Variants in TAOK3 observed in about 807,000 individuals in gnomAD.
The protein encoded by TAOK3 is serine/threonine-protein kinase TAO3.
Under a neutral mutation model 120.4 loss-of-function variants are expected in TAOK3, and 40 were observed. The ratio of observed to expected loss-of-function variants is 0.33; its 90% CI spans 0.26 to 0.43. The LOEUF (loss-of-function observed/expected upper bound fraction) is 0.43, where lower values mean the gene tolerates loss of function less well. Ranked by LOEUF, TAOK3 falls within the 20% of genes least tolerant of loss-of-function variation. TAOK3 has a pLI of 1.00. For synonymous variants in TAOK3, 355 were observed against 387.5 expected (o/e 0.92, Z 0.99); for missense variants, 821 against 1,112.1 (o/e 0.74, Z 3.72).
At chr12:118,197,375 A>G (rs2037781129) in intron 13 of TAOK3, among the ~76,000 whole-genome samples, 1 of 152,332 alleles carries the variant, frequency 6.6e-6, no homozygotes, top group East Asian at 1.9e-4. Flanking sequence ...AAGTCATCAC[A>G]CATCAGGGAG....
At chr12:118,317,265 C>CA (rs970730677) in intron 1 of TAOK3, among the ~76,000 whole-genome samples, 12,189 of 63,422 alleles carry the variant, frequency 0.19, 922 homozygotes, top group East Asian at 0.33. Context: ...AAGTTTGTCT[C>CA]AAAAAAAAAA....
At chr12:118,194,131 C>T (rs1012585126) in intron 13 of TAOK3, among the ~76,000 whole-genome samples, 2 of 152,196 alleles carry the variant, frequency 1.3e-5, no homozygotes, top group Non-Finnish European at 2.9e-5. Context: ...CACATAAGCA[C>T]ACCTTTACAC....
At chr12:118,171,442 T>C (rs1341168253) in intron 17 of TAOK3, among the ~76,000 whole-genome samples, 1 of 152,212 alleles carries the variant, frequency 6.6e-6, no homozygotes, top group East Asian at 1.9e-4. Context: ...CTGTAACCTC[T>C]GCCTCCTAGG....
chr12:118,265,386 C>A (rs2041401878), intron 2 of TAOK3, among the ~76,000 whole-genome samples: 3 of 119,314 alleles, frequency 2.5e-5, no homozygotes, highest in Admixed American at 1.0e-4. Context: ...GAAACACTGT[C>A]TCAGGAAGAA....
chr12:118,338,023 CA>C (rs905799096), intron 1 of TAOK3, among the ~76,000 whole-genome samples: 1 of 152,168 alleles, frequency 6.6e-6, no homozygotes, highest in African/African-American at 2.4e-5. Flanking sequence ...CCCGACCTCT[CA>C]GTATTATTTC....
In TAOK3 at chr12:118,203,124, C is replaced by A. The variant is rs190060873; in HGVS notation, c.820-1661G>T. Among the ~76,000 whole-genome samples the A allele has an allele frequency of 3.9e-3, 593 of 152,168 alleles. 4 individuals carry two copies. Among genetic ancestry groups the A allele is most frequent in the Non-Finnish European group, 5.2e-3 (355 of 68,002 alleles). On this transcript the variant is annotated intron_variant, in intron 11 of 20. Coordinates refer to ENST00000392533, the MANE Select transcript of TAOK3 (RefSeq NM_016281.4). ...ACTTGCCTCAATCCTCACCCCCATA[C>A]ACACTATCCCTTGAAAAACAGACTT...
intron 17 of TAOK3, among the ~76,000 whole-genome samples, chr12:118,168,983 TCC>T (rs1219098249): frequency 3.3e-4 from 49 of 149,142 alleles, no homozygotes; most frequent in Admixed American, 2.7e-3. Flanking sequence ...CTTCCTTCCT[TCC>T]TTCCTTCCTT....
intron 17 of TAOK3, among the ~76,000 whole-genome samples, chr12:118,166,538 C>CAA (rs1276962566): frequency 1.5e-5 from 1 of 66,350 alleles, no homozygotes. Context: ...AACTCCGTCT[C>CAA]AAAAAAAAAA....
intron 9 of TAOK3, among the ~76,000 whole-genome samples, chr12:118,223,301 C>A (rs201985015): frequency 2.0e-5 from 3 of 151,042 alleles, no homozygotes; most frequent in Admixed American, 1.3e-4. Context: ...CCTCGTGATC[C>A]GCCCGCCTCG....
intron 1 of TAOK3, among the ~76,000 whole-genome samples, chr12:118,340,726 A>G (rs1479941770): frequency 5.3e-5 from 8 of 151,904 alleles, no homozygotes; most frequent in Non-Finnish European, 1.2e-4. Context: ...TCCTAAATAA[A>G]TCATTTCATC....
At chr12:118,176,917 C>T (rs1382474492) in intron 16 of TAOK3, among the ~76,000 whole-genome samples, 1 of 152,028 alleles carries the variant, frequency 6.6e-6, no homozygotes, top group African/African-American at 2.4e-5. Flanking sequence ...CAAGCACGTG[C>T]CACCACGCCC....
chr12:118,172,460 C>T lies in TAOK3; in HGVS notation c.1896G>A (p.Arg632=). Residue 632 remains arginine, a synonymous_variant, in exon 17 of 21, where the codon CGG becomes CGA. Transcript: ENST00000392533. ...KRHEVEQQNI[R]EELNKKRTQK... ...TAGTTACGAGCGTAATAAATACCTC[C>T]CGAATGTTCTGCTGCTCCACCTCGT... 2.5e-6 allele frequency: 4 copies of T among 1,614,090 alleles called. No individual in the cohort carries two copies. The highest frequency in any genetic ancestry group is 3.4e-6 in the Non-Finnish European group (4 of 1,179,988).
At chr12:118,251,435 T>G (rs2040746421) in intron 3 of TAOK3, among the ~76,000 whole-genome samples, 1 of 152,210 alleles carries the variant, frequency 6.6e-6, no homozygotes, top group African/African-American at 2.4e-5. Context: ...TTTATGGGTG[T>G]ACATAGGCCT....
intron 1 of TAOK3, among the ~76,000 whole-genome samples, chr12:118,303,875 T>C (rs1191196072): frequency 6.6e-6 from 1 of 152,254 alleles, no homozygotes; most frequent in Non-Finnish European, 1.5e-5. Context: ...CTTTAACTCC[T>C]GACCTCAGGT....
chr12:118,209,716 T>C (rs1485316118), intron 11 of TAOK3, among the ~76,000 whole-genome samples: 1 of 50,626 alleles, frequency 2.0e-5, no homozygotes, highest in Non-Finnish European at 4.4e-5. Context: ...TTCTTCTTCT[T>C]CTTTTTTTTT....
chr12:118,233,058 A>G lies in TAOK3; in HGVS notation c.643+616T>C, dbSNP rs554695401. On this transcript the variant is annotated intron_variant, in intron 9 of 20. Coordinates refer to ENST00000392533, the MANE Select transcript of TAOK3 (RefSeq NM_016281.4). ...AAAATGTGGCACATATACACCATGG[A>G]ATACTATGCAGCCATAAAAAATGAT... 8.9e-4 allele frequency among the ~76,000 whole-genome samples: 136 copies of G among 152,204 alleles called. 2 individuals are homozygous for G. The highest frequency in any genetic ancestry group is 3.2e-3 in the African/African-American group (133 of 41,510).
intron 14 of TAOK3, among the ~76,000 whole-genome samples, chr12:118,183,877 T>C (rs993284441): frequency 1.3e-5 from 2 of 152,254 alleles, no homozygotes; most frequent in Admixed American, 6.5e-5. Context: ...AAACTTGGCA[T>C]AAGCATTGGC....
chr12:118,232,207 C>A (rs1464000533), intron 9 of TAOK3, among the ~76,000 whole-genome samples: 1 of 152,130 alleles, frequency 6.6e-6, no homozygotes, highest in Non-Finnish European at 1.5e-5. Context: ...TTAAATTTAC[C>A]AGTATACCAC....
chr12:118,234,190 A>G (rs757459199), intron 8 of TAOK3, among the ~76,000 whole-genome samples: 2 of 149,588 alleles, frequency 1.3e-5, no homozygotes, highest in Non-Finnish European at 3.0e-5. Flanking sequence ...ATATTGTTTA[A>G]AGTAATTAAA....
Sources: allele counts gnomAD v4.1 joint callset (sites outside exome capture counted in the v4.1 genomes callset), GRCh38; gene constraint gnomAD v4.1.1; transcripts MANE v1.5; gene names NCBI Gene and HGNC (gene_info 2026-07-23, HGNC 2026-07-21).